The following LAMA2 variants were observed in gnomAD, a reference collection of about 807,000 sequenced individuals.
The protein encoded by LAMA2 is laminin subunit alpha 2.
LAMA2 carries 269 observed loss-of-function variants against 364.8 expected under a neutral mutation model. The ratio of observed to expected loss-of-function variants is 0.74; its 90% CI spans 0.67 to 0.82. The LOEUF (loss-of-function observed/expected upper bound fraction) is 0.82, where lower values mean the gene tolerates loss of function less well. Among genes scored for constraint, LAMA2 ranks in the 40% least tolerant of loss-of-function variants. The pLI is 0.00. For missense variants in LAMA2, 3,807 were observed against 3,873.2 expected (o/e 0.98, Z 0.45); for synonymous variants, 1,379 against 1,370.6 (o/e 1.01, Z -0.14).
intron 1 of LAMA2, among the ~76,000 whole-genome samples, chr6:129,047,751 C>CT (rs960273488): frequency 2.0e-5 from 3 of 152,050 alleles, no homozygotes; most frequent in Non-Finnish European, 1.5e-5. Context: ...GTACTATTAT[C>CT]TTTTTTTAAC....
intron 3 of LAMA2, among the ~76,000 whole-genome samples, chr6:129,078,135 T>C (rs1773780333): frequency 7.0e-6 from 1 of 142,200 alleles, no homozygotes; most frequent in Non-Finnish European, 1.6e-5. Flanking sequence ...TCTCTGTATT[T>C]TTTTTTTTTT....
At chr6:129,256,800 A>ATG (rs56328498) in intron 14 of LAMA2, among the ~76,000 whole-genome samples, 2 of 138,252 alleles carry the variant, frequency 1.4e-5, no homozygotes, top group Non-Finnish European at 3.1e-5. Flanking sequence ...ATATATATAT[A>ATG]GTGGGTAGAA....
At position 129,164,103 on chromosome 6, in the gene LAMA2, G is replaced by A. The variant is rs75941548; in HGVS notation, c.1207-1473G>A. On this transcript the variant is annotated intron_variant, in intron 8 of 64. Coordinates refer to ENST00000421865, the MANE Select transcript of LAMA2 (RefSeq NM_000426.4). ...CAGTAGTCCTCCTTTATTCACAGAG[G>A]ATATGTTCCAGGAACCCCAGTTGAT... Among the ~76,000 whole-genome samples the A allele has an allele frequency of 2.6e-4, 40 of 152,004 alleles. No individual in the cohort carries two copies. In the East Asian group the frequency reaches 6.8e-3, roughly 26 times the overall value.
intron 1 of LAMA2, among the ~76,000 whole-genome samples, chr6:128,992,137 AG>A (rs1426331716): frequency 6.6e-6 from 1 of 152,170 alleles, no homozygotes; most frequent in Non-Finnish European, 1.5e-5. Context: ...GGAATCTCAT[AG>A]GTGTGTAATA....
intron 14 of LAMA2, among the ~76,000 whole-genome samples, chr6:129,256,091 T>C (rs977291276): frequency 6.6e-6 from 1 of 152,206 alleles, no homozygotes; most frequent in Non-Finnish European, 1.5e-5. Flanking sequence ...TAAATTTCAA[T>C]TGGCAATTAA....
At chr6:128,900,199 G>A (rs1374410400) in intron 1 of LAMA2, among the ~76,000 whole-genome samples, 1 of 152,160 alleles carries the variant, frequency 6.6e-6, no homozygotes, top group African/African-American at 2.4e-5. Flanking sequence ...ACATCTGGAG[G>A]TCAAGAAACG....
rs565917756 is a variant in LAMA2, at chr6:129,264,594, G to A, written c.2209-2512G>A. ...GAAAGTGCAATTGATTTAAAAAAGA[G>A]AGAAAAATAGCCCAGCCCAAGCCCT... On this transcript the variant is annotated intron_variant, in intron 15 of 64. Transcript: ENST00000421865. Among the ~76,000 whole-genome samples the A allele has an allele frequency of 7.2e-5, 11 of 152,220 alleles. No homozygotes were observed. The South Asian group carries it at 1.5e-3, about 20-fold the overall frequency.
rs565290869 is a variant in LAMA2, at chr6:129,145,106, G to C, written c.819+1026G>C. Among the ~76,000 whole-genome samples the C allele has an allele frequency of 3.3e-5, 5 of 152,002 alleles. No homozygotes were observed. In the South Asian group the frequency reaches 1.0e-3, roughly 32 times the overall value. On this transcript the variant is annotated intron_variant, in intron 5 of 64. Transcript: ENST00000421865. ...GTATAGCTAAGAAAAAAGACTATAGGGAGAAATTAATATTGTAGGACAAAG... is the reference window on the plus strand; with the variant it reads ...GTATAGCTAAGAAAAAAGACTATAGCGAGAAATTAATATTGTAGGACAAAG...
At chr6:129,410,376 C>T (rs920462871) in intron 40 of LAMA2, among the ~76,000 whole-genome samples, 14 of 152,118 alleles carry the variant, frequency 9.2e-5, no homozygotes, top group African/African-American at 3.1e-4. Context: ...ATGGAGTTCT[C>T]CTCTTTCTTC....
intron 58 of LAMA2, among the ~76,000 whole-genome samples, chr6:129,498,562 G>A (rs1339729836): frequency 6.7e-6 from 1 of 149,610 alleles, no homozygotes; most frequent in East Asian, 1.9e-4. Flanking sequence ...TTATATTTTA[G>A]AAGAAGATTA....
At chr6:129,034,154 A>G (rs978023257) in intron 1 of LAMA2, among the ~76,000 whole-genome samples, 1 of 152,100 alleles carries the variant, frequency 6.6e-6, no homozygotes, top group Admixed American at 6.6e-5. Context: ...AAGTTAGACA[A>G]GAATCTATTT....
chr6:128,939,322 A>G (rs1031196392), intron 1 of LAMA2, among the ~76,000 whole-genome samples: 4 of 151,604 alleles, frequency 2.6e-5, no homozygotes, highest in Non-Finnish European at 4.4e-5. Context: ...AAAGCACCAC[A>G]AGACCAAGAG....
chr6:129,264,798 C>A (rs1458300023), intron 15 of LAMA2, among the ~76,000 whole-genome samples: 2 of 152,020 alleles, frequency 1.3e-5, no homozygotes, highest in Non-Finnish European at 2.9e-5. Context: ...AATTGTCCAT[C>A]GAATTTGGCT....
intron 4 of LAMA2, among the ~76,000 whole-genome samples, chr6:129,116,844 A>C (rs1199176641): frequency 6.6e-6 from 1 of 152,068 alleles, no homozygotes; most frequent in Non-Finnish European, 1.5e-5. Flanking sequence ...TAGATGAGCA[A>C]CTGAATGAAG....
intron 9 of LAMA2, among the ~76,000 whole-genome samples, chr6:129,169,759 C>T (rs1226399994): frequency 1.4e-5 from 2 of 139,404 alleles, no homozygotes; most frequent in Non-Finnish European, 3.1e-5. Context: ...CCTTGTACCT[C>T]TGGTAGAATT....
At chr6:129,202,839 T>G (rs1310192339) in intron 12 of LAMA2, among the ~76,000 whole-genome samples, 2 of 152,216 alleles carry the variant, frequency 1.3e-5, no homozygotes, top group African/African-American at 4.8e-5. Flanking sequence ...CAGACTGATG[T>G]ACACAAGAAG....
chr6:128,938,054 G>A (rs1582723534), intron 1 of LAMA2, among the ~76,000 whole-genome samples: 1 of 151,974 alleles, frequency 6.6e-6, no homozygotes. Flanking sequence ...ATTTTGGAGT[G>A]TGTTGCTTAC....
intron 12 of LAMA2, among the ~76,000 whole-genome samples, chr6:129,223,422 C>G (rs962850114): frequency 1.3e-5 from 2 of 152,148 alleles, no homozygotes; most frequent in African/African-American, 4.8e-5. Flanking sequence ...TTACCCATGC[C>G]TATGTCCTCA....
intron 37 of LAMA2, among the ~76,000 whole-genome samples, chr6:129,395,194 C>T (rs930194055): frequency 6.6e-6 from 1 of 151,736 alleles, no homozygotes; most frequent in Non-Finnish European, 1.5e-5. Context: ...TATACAGGTT[C>T]GAGGAAAACT....
Sources: allele counts gnomAD v4.1 joint callset (sites outside exome capture counted in the v4.1 genomes callset), GRCh38; gene constraint gnomAD v4.1.1; transcripts MANE v1.5; gene names NCBI Gene and HGNC (gene_info 2026-07-23, HGNC 2026-07-21).